Variants in NFATC1 observed in about 807,000 individuals in gnomAD.
The protein encoded by NFATC1 is nuclear factor of activated T-cells, cytoplasmic 1.
NFATC1 carries 22 observed loss-of-function variants against 76.0 expected under a neutral mutation model. The ratio of observed to expected loss-of-function variants is 0.29; its 90% CI spans 0.21 to 0.41. The LOEUF (loss-of-function observed/expected upper bound fraction) is 0.41, where lower values mean the gene tolerates loss of function less well. NFATC1 is among the 10% of genes least tolerant of loss of function. The pLI, the probability that NFATC1 is intolerant of heterozygous loss-of-function variation, is 1.00. For synonymous variants in NFATC1, 704 were observed against 613.1 expected (o/e 1.15, Z -2.19); for missense variants, 1,357 against 1,337.7 (o/e 1.01, Z -0.23).
Position 79,486,437 on chromosome 18 carries a change from C to A in NFATC1, c.2282C>A (p.Ala761Asp). ...CPQRSTLMPA[A>D]PGVSPKLHDL... ...CAGAGAAGCACCCTGATGCCAGCGG[C>A]CCCTGGCGTGAGCCCCAAGCTCCAC... The change falls in exon 9 of 10, where the codon GCC (alanine) becomes GAC (aspartate). Residue 761 changes from alanine to aspartate, a missense_variant. Coordinates refer to ENST00000427363, the MANE Select transcript of NFATC1 (RefSeq NM_001278669.2). 6.2e-7 allele frequency: 1 copy of A among 1,612,108 alleles called. No individual in the cohort carries two copies. The highest frequency in any genetic ancestry group is 8.5e-7 in the Non-Finnish European group (1 of 1,179,764).
intron 3 of NFATC1, among the ~76,000 whole-genome samples, chr18:79,447,427 C>T (rs1276927013): frequency 6.6e-6 from 1 of 152,256 alleles, no homozygotes; most frequent in Non-Finnish European, 1.5e-5. Context: ...CATCGTGCTG[C>T]AGTTGCCGTC....
chr18:79,400,420 A>ACTTCGAGTTCCT (rs2085161539), intron 1 of NFATC1: 3 of 1,495,558 alleles, frequency 2.0e-6, no homozygotes, highest in Non-Finnish European at 2.7e-6. Context: ...CAGGAGTTCG[A>ACTTCGAGTTCCT]CTTCGAGTTC....
chr18:79,406,034 G>A (rs2085425578), intron 1 of NFATC1, among the ~76,000 whole-genome samples: 1 of 152,264 alleles, frequency 6.6e-6, no homozygotes, highest in Admixed American at 6.5e-5. Flanking sequence ...GTTTCATCTA[G>A]AACCTTCCGG....
At chr18:79,467,662 C>T (rs756351082) in intron 8 of NFATC1, 80 bp downstream of exon 8, 11 of 1,586,052 alleles carry the variant, frequency 6.9e-6, no homozygotes, top group East Asian at 2.3e-5. Flanking sequence ...ACGACGTCGC[C>T]GTAAAGCAGC....
intron 9 of NFATC1, chr18:79,527,322 C>T: frequency 1.8e-6 from 1 of 554,434 alleles, no homozygotes; most frequent in Non-Finnish European, 3.2e-6. Context: ...GGCGGTCACT[C>T]TGGCGACCCC....
intron 3 of NFATC1, among the ~76,000 whole-genome samples, chr18:79,441,653 A>G (rs2086979629): frequency 6.6e-6 from 1 of 151,938 alleles, no homozygotes; most frequent in Admixed American, 6.5e-5. Context: ...CTGACAAATG[A>G]CAAGCGCTCC....
intron 3 of NFATC1, among the ~76,000 whole-genome samples, chr18:79,447,899 T>C (rs1251021553): frequency 2.6e-5 from 4 of 151,978 alleles, no homozygotes; most frequent in African/African-American, 9.7e-5. Context: ...CCACACTCTG[T>C]GTTTACCTCT....
intron 2 of NFATC1, among the ~76,000 whole-genome samples, chr18:79,415,743 C>T (rs2085855347): frequency 6.6e-6 from 1 of 152,052 alleles, no homozygotes; most frequent in African/African-American, 2.4e-5. Flanking sequence ...CAGAAATAGC[C>T]GCTAGGTTGG....
chr18:79,520,893 T>G, intron 9 of NFATC1, among the ~76,000 whole-genome samples: 1 of 102,242 alleles, frequency 9.8e-6, no homozygotes, highest in Non-Finnish European at 1.9e-5. Flanking sequence ...TGTGTCTGTG[T>G]GTGTGTAGGA....
At chr18:79,461,266 C>A in intron 6 of NFATC1, 45 bp from the exon 7 acceptor site, 1 of 1,610,112 alleles carries the variant, frequency 6.2e-7, no homozygotes, top group South Asian at 1.1e-5. Flanking sequence ...GGAGGGGGCT[C>A]CCCACCACAC....
intron 6 of NFATC1, among the ~76,000 whole-genome samples, chr18:79,452,836 A>G (rs1390234213): frequency 6.6e-6 from 1 of 152,144 alleles, no homozygotes; most frequent in African/African-American, 2.4e-5. Flanking sequence ...CTGTTTTGTG[A>G]TATTTTTTTC....
At chr18:79,472,204 A>G (rs3786201) in intron 8 of NFATC1, among the ~76,000 whole-genome samples, 56,288 of 151,922 alleles carry the variant, frequency 0.37, 11,948 homozygotes, top group African/African-American at 0.6. Flanking sequence ...AGATCCCACC[A>G]CCCAGGGTCG....
chr18:79,476,697 G>A (rs559329958), intron 8 of NFATC1, among the ~76,000 whole-genome samples: 5 of 152,282 alleles, frequency 3.3e-5, no homozygotes, highest in African/African-American at 9.6e-5. Context: ...CACCCCGACC[G>A]ACACACAGGA....
At chr18:79,476,831 G>A (rs1016881258) in intron 8 of NFATC1, among the ~76,000 whole-genome samples, 3 of 152,190 alleles carry the variant, frequency 2.0e-5, no homozygotes, top group Non-Finnish European at 2.9e-5. Context: ...GGTCTGTGGC[G>A]TGCATGGTTG....
At chr18:79,403,106 G>A (rs1469943409) in intron 1 of NFATC1, among the ~76,000 whole-genome samples, 3 of 152,220 alleles carry the variant, frequency 2.0e-5, no homozygotes, top group Non-Finnish European at 2.9e-5. Context: ...AGTGTACCGG[G>A]GTTGGGGGCT....
chr18:79,437,179 G>T (rs939128411), intron 3 of NFATC1, among the ~76,000 whole-genome samples: 1 of 152,226 alleles, frequency 6.6e-6, no homozygotes, highest in Non-Finnish European at 1.5e-5. Context: ...CCCTCTGCAG[G>T]GTGGGGCCTG....
At chr18:79,420,935 G>T (rs746036631) in intron 2 of NFATC1, 1 of 152,532 alleles carries the variant, frequency 6.6e-6, no homozygotes, top group Non-Finnish European at 1.5e-5. Context: ...ATTTCCAGGA[G>T]ACGTCGCTGA....
chr18:79,519,044 A>G (rs2090451351), intron 9 of NFATC1, among the ~76,000 whole-genome samples: 1 of 152,190 alleles, frequency 6.6e-6, no homozygotes, highest in Non-Finnish European at 1.5e-5. Context: ...GAAGGTGAGG[A>G]TGGGCCCTTC....
At chr18:79,451,623 C>T in intron 5 of NFATC1, 53 bp from the exon 6 acceptor site, 1 of 1,465,170 alleles carries the variant, frequency 6.8e-7, no homozygotes, top group African/African-American at 1.4e-5. Context: ...ACACGTGTGC[C>T]CCAGGCCGCC....
Sources: allele counts gnomAD v4.1 joint callset (sites outside exome capture counted in the v4.1 genomes callset), GRCh38; gene constraint gnomAD v4.1.1; transcripts MANE v1.5; gene names NCBI Gene and HGNC (gene_info 2026-07-23, HGNC 2026-07-21).